The following IGF1R variants were observed in gnomAD, a reference collection of about 807,000 sequenced individuals.
The protein encoded by IGF1R is insulin-like growth factor 1 receptor.
In IGF1R, 44 loss-of-function variants were observed where a neutral mutation model predicts 144.6. The observed-to-expected ratio is 0.30, with a 90% CI of 0.24 to 0.39. The LOEUF is 0.39. Among genes scored for constraint, IGF1R ranks in the 10% least tolerant of loss-of-function variants. The pLI, the probability that IGF1R is intolerant of heterozygous loss-of-function variation, is 1.00. For missense variants in IGF1R, 1,355 were observed against 1,833.7 expected, an observed-to-expected ratio of 0.74 and a Z score of 4.77; for synonymous variants, 795 against 722.8, an observed-to-expected ratio of 1.10 and a Z score of -1.60.
At chr15:98,861,951 AT>A (rs1373730210) in intron 2 of IGF1R, among the ~76,000 whole-genome samples, 1 of 152,178 alleles carries the variant, frequency 6.6e-6, no homozygotes, top group South Asian at 2.1e-4. Context: ...TTTGGCCTCA[AT>A]TTTTTGTTAT....
chr15:98,847,143 T>C (rs1355406098), intron 2 of IGF1R, among the ~76,000 whole-genome samples: 3 of 152,088 alleles, frequency 2.0e-5, no homozygotes, highest in Non-Finnish European at 2.9e-5. Context: ...TGCCTGGCTA[T>C]TATTTGCATT....
chr15:98,804,741 T>C (rs1220670866), intron 2 of IGF1R, among the ~76,000 whole-genome samples: 3 of 152,194 alleles, frequency 2.0e-5, no homozygotes, highest in Non-Finnish European at 4.4e-5. Context: ...AGATGGAGTT[T>C]CGCTGGAGTG....
chr15:98,709,099 T>C (rs2053934108), intron 2 of IGF1R, among the ~76,000 whole-genome samples: 1 of 152,226 alleles, frequency 6.6e-6, no homozygotes, highest in Non-Finnish European at 1.5e-5. Context: ...AGTCAGTGTG[T>C]TAGCTATAAA....
At chr15:98,745,876 C>A (rs1239925512) in intron 2 of IGF1R, among the ~76,000 whole-genome samples, 1 of 152,154 alleles carries the variant, frequency 6.6e-6, no homozygotes, top group African/African-American at 2.4e-5. Context: ...TACCTTTGAC[C>A]CAGAAATTCT....
chr15:98,923,193 T>C (rs894522421), intron 11 of IGF1R, among the ~76,000 whole-genome samples: 4 of 152,244 alleles, frequency 2.6e-5, no homozygotes, highest in Non-Finnish European at 5.9e-5. Context: ...CCATGACCTT[T>C]GCTTATCACA....
chr15:98,755,753 AG>A lies in IGF1R; in HGVS notation c.640+47648del, dbSNP rs2055139875. 8.8e-4 allele frequency among the ~76,000 whole-genome samples: 78 copies of A among 88,628 alleles called. 6 individuals carry two copies. The highest frequency in any genetic ancestry group is 4.0e-3 in the African/African-American group (76 of 18,834). The allele number at this position is 88,628 out of a possible 152,430, so 58.1% of individuals were successfully genotyped here. Reference sequence around the variant, plus strand: ...AAAAAAAAAAAAAAAAAAAAAAAAAAGGCATTACTGCCTTGTTCCTGATTTA... The same window carrying A: ...AAAAAAAAAAAAAAAAAAAAAAAAAAGCATTACTGCCTTGTTCCTGATTTA... On this transcript the variant is annotated intron_variant, in intron 2 of 20. Coordinates refer to ENST00000650285, the MANE Select transcript of IGF1R (RefSeq NM_000875.5).
intron 1 of IGF1R, among the ~76,000 whole-genome samples, chr15:98,669,103 C>T (rs1174792252): frequency 1.3e-5 from 2 of 152,182 alleles, no homozygotes; most frequent in African/African-American, 2.4e-5. Context: ...AAATCAGTAT[C>T]GATCAAGCCT....
intron 2 of IGF1R, among the ~76,000 whole-genome samples, chr15:98,730,696 C>T (rs1431329848): frequency 1.3e-5 from 2 of 152,150 alleles, no homozygotes; most frequent in African/African-American, 4.8e-5. Flanking sequence ...TTTCATTGTT[C>T]ATCTGTAAGC....
chr15:98,873,532 C>T (rs2012897894), intron 2 of IGF1R, among the ~76,000 whole-genome samples: 1 of 152,224 alleles, frequency 6.6e-6, no homozygotes, highest in Admixed American at 6.5e-5. Flanking sequence ...GCCTCTGCTC[C>T]TGTGTGCACC....
In IGF1R at chr15:98,810,576, G is replaced by A. The variant is rs775997119; in HGVS notation, c.641-80749G>A. Among the ~76,000 whole-genome samples, 10 of 145,128 alleles carry A rather than the reference G, an allele frequency of 6.9e-5. No individual in the cohort carries two copies. The East Asian group carries it at 1.0e-3, about 15-fold the overall frequency. On this transcript the variant is annotated intron_variant, in intron 2 of 20. Transcript: ENST00000650285. ...TTTCTTTTTTTTTTTTTTTTGAGAC[G>A]GAGTCTCTGTAGCCCAGGCTGGAGT...
intron 1 of IGF1R, among the ~76,000 whole-genome samples, chr15:98,675,826 CTT>C (rs869068918): frequency 5.1e-3 from 234 of 46,124 alleles, no homozygotes; most frequent in African/African-American, 0.011. Flanking sequence ...TTCTTTCTTT[CTT>C]TTTTTTTTTT....
intron 2 of IGF1R, among the ~76,000 whole-genome samples, chr15:98,872,168 G>A (rs1471000190): frequency 2.0e-5 from 3 of 152,210 alleles, no homozygotes; most frequent in East Asian, 3.9e-4. Context: ...ATTTTCGAGC[G>A]AATGGATTGA....
chr15:98,857,563 G>A (rs763622247), intron 2 of IGF1R, among the ~76,000 whole-genome samples: 5 of 152,142 alleles, frequency 3.3e-5, no homozygotes, highest in East Asian at 1.9e-4. Context: ...TCACAGTTCC[G>A]TTCTTCCATC....
intron 1 of IGF1R, among the ~76,000 whole-genome samples, chr15:98,675,793 A>C (rs971886950): frequency 2.7e-5 from 4 of 147,496 alleles, no homozygotes; most frequent in African/African-American, 9.9e-5. Flanking sequence ...GGATTATGTA[A>C]CAATATCTTT....
intron 2 of IGF1R, among the ~76,000 whole-genome samples, chr15:98,820,102 T>C (rs1007281794): frequency 1.3e-5 from 2 of 152,214 alleles, no homozygotes; most frequent in African/African-American, 4.8e-5. Flanking sequence ...TTCTCATTTT[T>C]ATGCTGTTCA....
intron 1 of IGF1R, among the ~76,000 whole-genome samples, chr15:98,699,719 T>G (rs944791010): frequency 6.6e-6 from 1 of 152,194 alleles, no homozygotes; most frequent in Non-Finnish European, 1.5e-5. Context: ...GTAAGTTCTT[T>G]GCTGTATGTA....
chr15:98,824,161 G>C (rs2056849709), intron 2 of IGF1R: 1 of 152,150 alleles, frequency 6.6e-6, no homozygotes, highest in African/African-American at 2.4e-5. Context: ...ATATTGACAG[G>C]GCTGCCCGTT....
At position 98,649,511 on chromosome 15, in the gene IGF1R, TTTTC is replaced by T; in HGVS notation, c.-67_-64del. 1 of 977,816 alleles carries T rather than the reference TTTTC, an allele frequency of 1.0e-6. No homozygotes were observed. Among genetic ancestry groups the T allele is most frequent in the Non-Finnish European group, 1.5e-6 (1 of 659,622 alleles). 60.6% of individuals were successfully genotyped at this position (977,816 alleles called of 1,614,324 possible). On this transcript the variant is annotated 5_prime_UTR_variant, in exon 1 of 21. Coordinates refer to ENST00000650285, the MANE Select transcript of IGF1R (RefSeq NM_000875.5). ...AGACTTGTTTCCTTTCATTTCCTTT[TTTTC>T]TTTTCTTTTCTTTTTTTTTTTTTTT...
intron 2 of IGF1R, among the ~76,000 whole-genome samples, chr15:98,802,953 T>C (rs1328586036): frequency 6.6e-6 from 1 of 152,208 alleles, no homozygotes; most frequent in African/African-American, 2.4e-5. Flanking sequence ...ACCGAACTAA[T>C]GATATTTAAA....
Sources: gnomAD v4.1 joint callset for allele counts (sites outside exome capture counted in the v4.1 genomes callset) on GRCh38, gnomAD v4.1.1 for gene constraint, MANE v1.5 for transcripts, NCBI Gene and HGNC (gene_info 2026-07-23, HGNC 2026-07-21) for gene names.